FER: variants seen among roughly 807,000 people sequenced by gnomAD.
The protein encoded by FER is FER tyrosine kinase.
A neutral mutation model predicts 111.0 loss-of-function variants in FER; 63 were observed. That is an observed-to-expected ratio of 0.57 (90% CI 0.46 to 0.70). The LOEUF is 0.70. FER is among the 30% of genes least tolerant of loss of function. FER has a pLI of 0.00. For missense variants in FER, 914 were observed against 954.0 expected (o/e 0.96, Z 0.55); for synonymous variants, 327 against 313.9 (o/e 1.04, Z -0.44).
chr5:109,064,739 G>A (rs1581870626), intron 16 of FER, among the ~76,000 whole-genome samples: 1 of 152,258 alleles, frequency 6.6e-6, no homozygotes, highest in East Asian at 1.9e-4. Flanking sequence ...AACCACTCTT[G>A]CTCTTAGATT....
At chr5:109,056,381 C>T (rs1324094690) in intron 16 of FER, among the ~76,000 whole-genome samples, 1 of 152,134 alleles carries the variant, frequency 6.6e-6, no homozygotes, top group Non-Finnish European at 1.5e-5. Flanking sequence ...GTAGAATATT[C>T]TTCAGCCGTA....
rs560762772 is a variant in FER at position 109,097,741 on chromosome 5, G to A, written c.1925-2655G>A. ...CTGGCCCAGTCTGAGTTATTTTCTG[G>A]GTGTCCTAACTTTAGTCCCATATTC... On this transcript the variant is annotated intron_variant, in intron 16 of 19. Transcript: ENST00000281092. Among the ~76,000 whole-genome samples, 4 of 151,912 alleles carry A rather than the reference G, an allele frequency of 2.6e-5. 1 individual carries two copies. Among genetic ancestry groups the A allele is most frequent in the African/African-American group, 7.2e-5 (3 of 41,492 alleles).
At chr5:108,969,301 G>C (rs1760312433) in intron 13 of FER, among the ~76,000 whole-genome samples, 1 of 152,138 alleles carries the variant, frequency 6.6e-6, no homozygotes, top group Admixed American at 6.5e-5. Flanking sequence ...TTAGGGGCTA[G>C]TTAAATAAAT....
At chr5:108,782,898 G>A (rs1358890384) in intron 2 of FER, 1 of 152,118 alleles carries the variant, frequency 6.6e-6, no homozygotes, top group African/African-American at 2.4e-5. Flanking sequence ...ATTACTGTTA[G>A]CCCTTTGTCA....
intron 13 of FER, among the ~76,000 whole-genome samples, chr5:108,989,907 A>G (rs1161443819): frequency 1.3e-5 from 2 of 151,950 alleles, no homozygotes; most frequent in Admixed American, 6.5e-5. Flanking sequence ...ATATTCACCA[A>G]TGTTTGTTTT....
intron 16 of FER, among the ~76,000 whole-genome samples, chr5:109,086,518 A>G (rs1395820278): frequency 1.3e-5 from 2 of 151,408 alleles, no homozygotes; most frequent in East Asian, 3.9e-4. Context: ...TTTGTTTCTC[A>G]TTGTTGATTG....
At chr5:109,141,047 G>A (rs1488168991) in intron 17 of FER, among the ~76,000 whole-genome samples, 2 of 152,110 alleles carry the variant, frequency 1.3e-5, no homozygotes, top group African/African-American at 2.4e-5. Context: ...CAGCTCTGAG[G>A]TCTTTATTCA....
intron 10 of FER, among the ~76,000 whole-genome samples, chr5:108,940,199 G>C (rs760554755): frequency 7.2e-5 from 11 of 152,058 alleles, no homozygotes; most frequent in Non-Finnish European, 1.6e-4. Flanking sequence ...GACTGTCATA[G>C]AAAATGGTAG....
chr5:108,960,875 A>G (rs1289874159), intron 13 of FER, among the ~76,000 whole-genome samples: 1 of 152,134 alleles, frequency 6.6e-6, no homozygotes, highest in Non-Finnish European at 1.5e-5. Flanking sequence ...TTTCTTTTAC[A>G]TCACTGCCCT....
chr5:108,814,078 A>G (rs1291784848), intron 3 of FER, among the ~76,000 whole-genome samples: 1 of 147,982 alleles, frequency 6.8e-6, no homozygotes, highest in Non-Finnish European at 1.5e-5. Flanking sequence ...TTGTGAATAT[A>G]TGGAATATAG....
At chr5:109,117,300 T>C (rs948888933) in intron 17 of FER, among the ~76,000 whole-genome samples, 1 of 152,078 alleles carries the variant, frequency 6.6e-6, no homozygotes. Context: ...TCAGAAGAAA[T>C]AGTGACTACA....
intron 10 of FER, among the ~76,000 whole-genome samples, chr5:108,930,018 T>C (rs1391507359): frequency 1.3e-5 from 2 of 152,194 alleles, no homozygotes; most frequent in Admixed American, 6.5e-5. Flanking sequence ...TTTTAAGATA[T>C]CTAATAATTA....
chr5:108,871,495 G>T lies in FER; in HGVS notation c.796G>T (p.Val266Phe), dbSNP rs201582060. Residue 266 changes from valine to phenylalanine, a missense_variant, in exon 7 of 20, where the codon GTT becomes TTT. Transcript: ENST00000281092. ...TACAGAATACAATAATTTCATAGATGTTCACAGGTATGACATGTTTATTCC... is the reference window on the plus strand; with the variant it reads ...TACAGAATACAATAATTTCATAGATTTTCACAGGTATGACATGTTTATTCC... Reference protein sequence around the residue: ...PSTEYNNFIDVHRTTAAKEQE... With the variant: ...PSTEYNNFIDFHRTTAAKEQE... 1 of 1,603,146 alleles carries T rather than the reference G, an allele frequency of 6.2e-7. No individual in the cohort carries two copies. Among genetic ancestry groups the T allele is most frequent in the Non-Finnish European group, 8.5e-7 (1 of 1,173,672 alleles).
chr5:109,082,899 C>A (rs1777154105), intron 16 of FER, among the ~76,000 whole-genome samples: 1 of 151,782 alleles, frequency 6.6e-6, no homozygotes, highest in Non-Finnish European at 1.5e-5. Context: ...TCTGTCAGAC[C>A]TATCAAAAGA....
At chr5:108,872,340 T>C in intron 8 of FER, 128 bp downstream of exon 8, 1 of 796,630 alleles carries the variant, frequency 1.3e-6, no homozygotes, top group Non-Finnish European at 1.9e-6. Flanking sequence ...CAGAGTGACA[T>C]GTTTTGAGAA....
At position 109,090,579 on chromosome 5, in the gene FER, A is replaced by ATTT. The variant is rs1448628696; in HGVS notation, c.1925-9815_1925-9814insTTT. 1.2e-4 allele frequency among the ~76,000 whole-genome samples: 18 copies of ATTT among 152,330 alleles called. No individual in the cohort carries two copies. The South Asian group carries it at 3.7e-3, about 32-fold the overall frequency. ...AGTGCTTTGCATGGGAACACAGACA[A>ATTT]TTAAACAAAAAAATCAGGAAAACAA... On this transcript the variant is annotated intron_variant, in intron 16 of 19. Transcript: ENST00000281092.
At chr5:108,971,292 A>AC (rs1270998667) in intron 13 of FER, among the ~76,000 whole-genome samples, 1 of 146,152 alleles carries the variant, frequency 6.8e-6, no homozygotes, top group East Asian at 2.0e-4. Context: ...AAAAAAAAAA[A>AC]AAAACCCAGA....
intron 16 of FER, among the ~76,000 whole-genome samples, chr5:109,081,246 T>C (rs1776955851): frequency 6.6e-6 from 1 of 152,142 alleles, no homozygotes; most frequent in South Asian, 2.1e-4. Flanking sequence ...CTTAAACGAA[T>C]ATAGAATGGG....
At position 109,139,327 on chromosome 5, in the gene FER, TCTTTA is replaced by T. The variant is rs140277571; in HGVS notation, c.2048+38812_2048+38816del. On this transcript the variant is annotated intron_variant, in intron 17 of 19. Coordinates refer to ENST00000281092, the MANE Select transcript of FER (RefSeq NM_005246.4). ...GTACCCCTAAAAGGCAGGGCCTATG[TCTTTA>T]CTTCTCCTTCTTTCTTTCTTTTTTT... Among the ~76,000 whole-genome samples the T allele has an allele frequency of 7.7e-3, 1,102 of 143,238 alleles. 12 individuals are homozygous for T. The highest frequency in any genetic ancestry group is 0.027 in the African/African-American group (1,043 of 38,214). The allele number at this position is 143,238 out of a possible 152,430, so 94.0% of individuals were successfully genotyped here. A position where few individuals can be genotyped will look rare whatever the true frequency, so the allele number is the denominator to read the frequency against.
Sources: gnomAD v4.1 joint callset for allele counts (sites outside exome capture counted in the v4.1 genomes callset) on GRCh38, gnomAD v4.1.1 for gene constraint, MANE v1.5 for transcripts, NCBI Gene and HGNC (gene_info 2026-07-23, HGNC 2026-07-21) for gene names.